The following OPN3 variants were observed in gnomAD, a reference collection of about 807,000 sequenced individuals.
OPN3 encodes opsin 3.
A neutral mutation model predicts 33.8 loss-of-function variants in OPN3; 29 were observed. The observed-to-expected ratio is 0.86, with a 90% confidence interval of 0.64 to 1.17. OPN3 has a LOEUF of 1.17. Among genes scored for constraint, OPN3 ranks in the 50% most tolerant of loss-of-function variants. The pLI, the probability that OPN3 is intolerant of heterozygous loss-of-function variation, is 0.00. For missense variants in OPN3, 437 were observed against 514.1 expected, an observed-to-expected ratio of 0.85 and a Z score of 1.45; for synonymous variants, 216 against 216.1, an observed-to-expected ratio of 1.00 and a Z score of 0.00.
Position 241,593,487 on chromosome 1 carries a change from C to CAGTGTTTCTATTCTATATT in OPN3, c.*940_*941insAATATAGAATAGAAACACT. The stretch of plus-strand genomic sequence containing the variant: ...ATTCAGTGTTTCTTTTCTATATTGT[C>CAGTGTTTCTATTCTATATT]AATGAAAACCTTGAGTTCTAATAAT... On this transcript the variant is annotated 3_prime_UTR_variant, in exon 4 of 4. Transcript: ENST00000366554. 1 of 313,000 alleles carries CAGTGTTTCTATTCTATATT rather than the reference C, an allele frequency of 3.2e-6. No individual in the cohort carries two copies. Among genetic ancestry groups the CAGTGTTTCTATTCTATATT allele is most frequent in the Admixed American group, 3.1e-5 (1 of 32,234 alleles). The allele number at this position is 313,000 out of a possible 1,614,324, so 19.4% of individuals were successfully genotyped here.
intron 1 of OPN3, chr1:241,615,853 C>T (rs1226434647): frequency 2.2e-6 from 1 of 456,512 alleles, no homozygotes; most frequent in Non-Finnish European, 4.4e-6. Context: ...CCATTGCATA[C>T]CTGCATGCAG....
chr1:241,632,828 G>C (rs939003773), intron 1 of OPN3: 3 of 152,156 alleles, frequency 2.0e-5, no homozygotes, highest in Admixed American at 6.5e-5. Context: ...TATTTATAGA[G>C]GGTTTTATAA....
At chr1:241,635,107 A>G (rs1553356880) in intron 1 of OPN3, 3 of 1,612,676 alleles carry the variant, frequency 1.9e-6, no homozygotes, top group South Asian at 2.2e-5. Flanking sequence ...TAACTATTTG[A>G]GAGTAAGTAA....
chr1:241,620,257 A>ATTT (rs66720906), intron 1 of OPN3, among the ~76,000 whole-genome samples: 1 of 10,818 alleles, frequency 9.2e-5, no homozygotes, highest in Non-Finnish European at 1.4e-4. Context: ...AGCCACAAAC[A>ATTT]TTTAAATTTT....
intron 1 of OPN3, among the ~76,000 whole-genome samples, chr1:241,638,504 A>G (rs1345140136): frequency 6.6e-6 from 1 of 152,228 alleles, no homozygotes; most frequent in Non-Finnish European, 1.5e-5. Flanking sequence ...AACACTACTG[A>G]TGATACTTTA....
intron 1 of OPN3, among the ~76,000 whole-genome samples, chr1:241,621,715 A>ACGGCG (rs1296262862): frequency 1.3e-5 from 2 of 152,138 alleles, no homozygotes; most frequent in Non-Finnish European, 2.9e-5. Flanking sequence ...AGGGGAGTGT[A>ACGGCG]CGGCTCATGA....
chr1:241,594,133 T>TA lies in OPN3; in HGVS notation c.*294dup, dbSNP rs1185125776. 3 of 319,692 alleles carry TA rather than the reference T, an allele frequency of 9.4e-6. No homozygotes were observed. The allele number at this position is 319,692 out of a possible 1,614,324, so 19.8% of individuals were successfully genotyped here. ...ACGTGTTTTGGAAAATAGAGTAATT[T>TA]AAAAAATATATTTGAAATGAAAATC... On this transcript the variant is annotated 3_prime_UTR_variant, in exon 4 of 4. Transcript: ENST00000366554.
At chr1:241,632,733 T>A (rs1464021435) in intron 1 of OPN3, 1 of 152,124 alleles carries the variant, frequency 6.6e-6, no homozygotes, top group Non-Finnish European at 1.5e-5. Flanking sequence ...TTCATTCCTA[T>A]CAGTTATGTT....
chr1:241,628,681 T>G (rs1171091128), intron 1 of OPN3, among the ~76,000 whole-genome samples: 2 of 152,096 alleles, frequency 1.3e-5, no homozygotes, highest in African/African-American at 4.8e-5. Context: ...TAAGAAAAAA[T>G]AAATTATGAA....
At position 241,594,265 on chromosome 1, in the gene OPN3, C is replaced by T. The variant is rs899416334; in HGVS notation, c.*163G>A. 5 of 718,626 alleles carry T rather than the reference C, an allele frequency of 7.0e-6. No individual in the cohort carries two copies. In the Admixed American group the frequency reaches 1.3e-4, roughly 18 times the overall value. 44.5% of individuals were successfully genotyped at this position (718,626 alleles called of 1,614,324 possible). A position where few individuals can be genotyped will look rare whatever the true frequency, so the allele number is the denominator to read the frequency against. On this transcript the variant is annotated 3_prime_UTR_variant, in exon 4 of 4. Transcript: ENST00000366554. Reference sequence around the variant, plus strand: ...ATTAAAAGAATTTGTTTTTGTTCAACCTCTTCCTGAGGCCCAAGAGCATAT... The same window carrying T: ...ATTAAAAGAATTTGTTTTTGTTCAATCTCTTCCTGAGGCCCAAGAGCATAT...
At chr1:241,629,057 A>T (rs1175814456) in intron 1 of OPN3, 2 of 152,596 alleles carry the variant, frequency 1.3e-5, no homozygotes, top group Non-Finnish European at 2.9e-5. Context: ...TTTGCATACA[A>T]TTTGACATAT....
At chr1:241,594,799 T>C (rs139073682) in intron 3 of OPN3, 108 bp from the exon 4 acceptor site, 7 of 1,327,832 alleles carry the variant, frequency 5.3e-6, no homozygotes, top group Middle Eastern at 3.8e-4. Flanking sequence ...TTTTGTTTGT[T>C]AGCAGGTGTG....
At chr1:241,615,669 G>A (rs950340657) in intron 1 of OPN3, among the ~76,000 whole-genome samples, 3 of 151,912 alleles carry the variant, frequency 2.0e-5, no homozygotes, top group Middle Eastern at 3.4e-3. Flanking sequence ...CATCCTCCTG[G>A]GCACCACATA....
At chr1:241,602,325 G>A (rs946376472) in intron 2 of OPN3, among the ~76,000 whole-genome samples, 25 of 152,296 alleles carry the variant, frequency 1.6e-4, no homozygotes, top group African/African-American at 6.0e-4. Flanking sequence ...GAATAAAAAT[G>A]TGTCCATGGG....
chr1:241,614,588 C>T (rs577082946), intron 1 of OPN3, among the ~76,000 whole-genome samples: 1 of 152,246 alleles, frequency 6.6e-6, no homozygotes, highest in Non-Finnish European at 1.5e-5. Context: ...GCTTGGAAAT[C>T]GTGCCAGGCT....
At chr1:241,638,776 ATCAT>A (rs1006811758) in intron 1 of OPN3, among the ~76,000 whole-genome samples, 8 of 152,338 alleles carry the variant, frequency 5.3e-5, no homozygotes, top group African/African-American at 1.9e-4. Context: ...CAAAAAATGA[ATCAT>A]TACAAATATA....
At chr1:241,630,896 G>A (rs1297692078) in intron 1 of OPN3, 1 of 152,016 alleles carries the variant, frequency 6.6e-6, no homozygotes, top group African/African-American at 2.4e-5. Context: ...ATAATCCTGA[G>A]TGATAGTAAA....
intron 1 of OPN3, among the ~76,000 whole-genome samples, chr1:241,606,989 G>A (rs1230259177): frequency 1.3e-5 from 2 of 152,138 alleles, no homozygotes; most frequent in Non-Finnish European, 2.9e-5. Flanking sequence ...ATGAAATACA[G>A]AGGTGCTGGA....
At chr1:241,629,814 C>T (rs1664551653) in intron 1 of OPN3, 1 of 151,954 alleles carries the variant, frequency 6.6e-6, no homozygotes, top group African/African-American at 2.4e-5. Context: ...TCTTTCTTTC[C>T]ATTGGCTTAT....
Sources: allele counts gnomAD v4.1 joint callset (sites outside exome capture counted in the v4.1 genomes callset), GRCh38; gene constraint gnomAD v4.1.1; transcripts MANE v1.5; gene names NCBI Gene and HGNC (gene_info 2026-07-23, HGNC 2026-07-21).